The following MYO1F variants were observed in gnomAD, a reference collection of about 807,000 sequenced individuals.
MYO1F encodes myosin IF.
A neutral mutation model predicts 146.6 loss-of-function variants in MYO1F; 60 were observed. The observed-to-expected ratio is 0.41, with a 90% confidence interval of 0.33 to 0.51. MYO1F has a LOEUF of 0.51. Among genes scored for constraint, MYO1F ranks in the 20% least tolerant of loss-of-function variants. MYO1F has a pLI of 0.25. For missense variants in MYO1F, 1,274 were observed against 1,534.3 expected (o/e 0.83, Z 2.83); for synonymous variants, 602 against 602.1 (o/e 1.00, Z 0.00).
rs1973768285 is a variant in MYO1F, at chr19:8,554,644, C to A, written c.231+10G>T. 2 of 1,613,802 alleles carry A rather than the reference C, an allele frequency of 1.2e-6. No homozygotes were observed. The highest frequency in any genetic ancestry group is 1.7e-6 in the Non-Finnish European group (2 of 1,179,940). The stretch of plus-strand genomic sequence containing the variant: ...TGGGGGCTGTGCCTCCCACCCAGCC[C>A]CAGCCTCACCGCGCCCTGATAGAGG... On this transcript the variant is annotated intron_variant, in intron 3 of 27. Coordinates refer to ENST00000644032, the MANE Select transcript of MYO1F (RefSeq NM_012335.4).
intron 19 of MYO1F, among the ~76,000 whole-genome samples, chr19:8,531,138 G>A (rs113378543): frequency 0.069 from 10,434 of 151,702 alleles, 820 homozygotes; most frequent in African/African-American, 0.17. Context: ...GCCTGAGGTC[G>A]GGAGTTTGAG....
Position 8,536,650 on chromosome 19 carries a change from G to A in MYO1F, c.1800-53C>T, listed in dbSNP as rs149369796. 6.3e-3 allele frequency: 6,447 copies of A among 1,024,096 alleles called. 79 individuals are homozygous for A. Among genetic ancestry groups the A allele is most frequent in the Middle Eastern group, 0.015 (51 of 3,424 alleles). 63.4% of individuals were successfully genotyped at this position (1,024,096 alleles called of 1,614,324 possible). A position where few individuals can be genotyped will look rare whatever the true frequency, so the allele number is the denominator to read the frequency against. Reference sequence around the variant, plus strand: ...TCGGGGTGGGGAGTCACCAGTCCTGGGGGTGGGTGGGAGGTGCTGGAGGTG... The same window carrying A: ...TCGGGGTGGGGAGTCACCAGTCCTGAGGGTGGGTGGGAGGTGCTGGAGGTG... On this transcript the variant is annotated intron_variant, in intron 17 of 27. Coordinates refer to ENST00000644032, the MANE Select transcript of MYO1F (RefSeq NM_012335.4).
At chr19:8,545,866 G>A (rs1278080711) in intron 12 of MYO1F, 130 bp from the exon 13 acceptor site, 2 of 748,642 alleles carry the variant, frequency 2.7e-6, no homozygotes, top group Non-Finnish European at 4.8e-6. Context: ...TCACTCCTAT[G>A]TGGGCAAGGC....
At chr19:8,540,110 A>G (rs1332588840) in intron 15 of MYO1F, 82 bp from the exon 16 acceptor site, 7 of 1,063,290 alleles carry the variant, frequency 6.6e-6, no homozygotes, top group African/African-American at 3.2e-5. Context: ...GGCAGCCTCA[A>G]TGCCGCAACG....
At chr19:8,563,086 G>A (rs1432541156) in intron 1 of MYO1F, among the ~76,000 whole-genome samples, 3 of 151,668 alleles carry the variant, frequency 2.0e-5, no homozygotes, top group African/African-American at 7.3e-5. Flanking sequence ...CTGCCTCCCG[G>A]GTCCAAGTGA....
chr19:8,547,630 T>G (rs1186169873), intron 12 of MYO1F, among the ~76,000 whole-genome samples: 2 of 150,838 alleles, frequency 1.3e-5, no homozygotes, highest in African/African-American at 4.9e-5. Context: ...ATCCCTGACT[T>G]ACTTCCTCAG....
chr19:8,548,407 T>C, intron 10 of MYO1F, 90 bp from the exon 11 acceptor site: 2 of 1,205,218 alleles, frequency 1.7e-6, no homozygotes, highest in Non-Finnish European at 2.4e-6. Flanking sequence ...CCTAGCCAAC[T>C]TCATGGGTGA....
In MYO1F at chr19:8,548,028, C is replaced by T. The variant is rs973388089; in HGVS notation, c.1269+8G>A. On this transcript the variant is annotated splice_region_variant and intron_variant, in intron 12 of 27. Coordinates refer to ENST00000644032, the MANE Select transcript of MYO1F (RefSeq NM_012335.4). The stretch of plus-strand genomic sequence containing the variant: ...GGATCCCCCATCCCTGACTGCTTGG[C>T]CGCCCACCTGCTCGGCCTTCAGGGT... 2.7e-6 allele frequency: 4 copies of T among 1,468,206 alleles called. No individual in the cohort carries two copies. The highest frequency in any genetic ancestry group is 3.8e-6 in the Non-Finnish European group (4 of 1,061,412). 90.9% of individuals were successfully genotyped at this position (1,468,206 alleles called of 1,614,324 possible).
chr19:8,531,762 G>A (rs180938562), intron 19 of MYO1F, among the ~76,000 whole-genome samples: 60 of 152,302 alleles, frequency 3.9e-4, no homozygotes, highest in South Asian at 1.0e-3. Flanking sequence ...GTACACTGCC[G>A]TGTCAGAGAT....
At chr19:8,557,395 C>G (rs1973906542) in intron 1 of MYO1F, among the ~76,000 whole-genome samples, 1 of 152,162 alleles carries the variant, frequency 6.6e-6, no homozygotes, top group African/African-American at 2.4e-5. Flanking sequence ...CTCCTGGGCT[C>G]AAGCAATCCT....
At chr19:8,526,425 C>T in intron 24 of MYO1F, 28 bp downstream of exon 24, 1 of 1,549,900 alleles carries the variant, frequency 6.5e-7, no homozygotes, top group Non-Finnish European at 8.7e-7. Flanking sequence ...GGCCCCGCCC[C>T]CTCTGCCCTA....
At position 8,551,720 on chromosome 19, in the gene MYO1F, G is replaced by C. The variant is rs759092857; in HGVS notation, c.771+20C>G. On this transcript the variant is annotated intron_variant, in intron 8 of 27. Transcript: ENST00000644032. ...CTGAGGTCTGCCTGGCCGGGGACTG[G>C]AGTAGAGGCCGGTGCTCACCAGAGT... 2 of 1,614,112 alleles carry C rather than the reference G, an allele frequency of 1.2e-6. No homozygotes were observed. Among genetic ancestry groups the C allele is most frequent in the South Asian group, 2.2e-5 (2 of 91,072 alleles).
intron 12 of MYO1F, among the ~76,000 whole-genome samples, chr19:8,546,810 C>G (rs1403659203): frequency 1.1e-4 from 17 of 152,136 alleles, no homozygotes; most frequent in Admixed American, 1.1e-3. Flanking sequence ...TCCTGAGTAG[C>G]TGGGATTACA....
At chr19:8,526,213 G>C (rs1972259314) in intron 24 of MYO1F, among the ~76,000 whole-genome samples, 1 of 152,186 alleles carries the variant, frequency 6.6e-6, no homozygotes, top group Non-Finnish European at 1.5e-5. Flanking sequence ...TGTAATCCCA[G>C]CTACTCGGGA....
intron 14 of MYO1F, among the ~76,000 whole-genome samples, chr19:8,543,823 T>C (rs1281398000): frequency 5.0e-5 from 1 of 19,858 alleles, no homozygotes; most frequent in Admixed American, 5.5e-4. Context: ...GTGGTGGTGG[T>C]GGTGGTGGTG....
chr19:8,568,068 C>T (rs1321479170), intron 1 of MYO1F, among the ~76,000 whole-genome samples: 1 of 152,184 alleles, frequency 6.6e-6, no homozygotes, highest in East Asian at 1.9e-4. Flanking sequence ...CCATTCTCTC[C>T]CTCTCTATCC....
intron 13 of MYO1F, 53 bp downstream of exon 13, chr19:8,545,597 C>G (rs1188753585): frequency 4.1e-6 from 6 of 1,456,092 alleles, no homozygotes; most frequent in Non-Finnish European, 3.9e-6. Context: ...ATCTTCCAGA[C>G]TCAGCTCAGG....
chr19:8,525,689 T>C, intron 24 of MYO1F, 127 bp from the exon 25 acceptor site: 1 of 784,878 alleles, frequency 1.3e-6, no homozygotes. Context: ...GCACCGCCCC[T>C]TAGGTACAGT....
Position 8,522,734 on chromosome 19 carries a change from G to A in MYO1F, c.2950C>T (p.Pro984Ser), listed in dbSNP as rs942932058. Residue 984 changes from proline to serine, a missense_variant, in exon 26 of 28, where the codon CCT becomes TCT. Physicochemically the swap from Pro to Ser is moderately conservative, Grantham distance 74. This residue lies in a region of MYO1F where 374 missense variants were observed against 379.2 expected (regional missense o/e 0.99). Transcript: ENST00000644032. ...CTGGCTCCCAGGGATGTGGACGGAG[G>A]GCCCCGGGGAGGCCTGTGGGTGCCC... is the stretch of plus-strand genomic sequence containing the variant. ...GGGTHRPPRG[P>S]PSTSLGASRR... is the part of the protein sequence containing the mutation. The A allele has an allele frequency of 6.2e-7, 1 of 1,613,060 alleles. No homozygotes were observed. The highest frequency in any genetic ancestry group is 8.5e-7 in the Non-Finnish European group (1 of 1,179,828).
Sources: allele counts gnomAD v4.1 joint callset (sites outside exome capture counted in the v4.1 genomes callset), GRCh38; gene constraint gnomAD v4.1.1; regional missense constraint gnomAD v4.1.1; transcripts MANE v1.5; gene names NCBI Gene and HGNC (gene_info 2026-07-23, HGNC 2026-07-21).